BTBD7: variants seen among roughly 807,000 people sequenced by gnomAD.
The protein encoded by BTBD7 is BTB domain containing 7.
BTBD7 carries 38 observed loss-of-function variants against 99.9 expected under a neutral mutation model. The observed-to-expected ratio is 0.38, with a 90% CI of 0.29 to 0.50. The LOEUF (loss-of-function observed/expected upper bound fraction) is 0.50. Ranked by LOEUF, BTBD7 falls within the 20% of genes least tolerant of loss-of-function variation. The probability of loss-of-function intolerance (pLI) is 0.93; values close to 1 mark genes in which losing one functional copy is unlikely to be tolerated. For missense variants in BTBD7, 1,170 were observed against 1,394.6 expected (o/e 0.84, Z 2.57); for synonymous variants, 520 against 511.4 (o/e 1.02, Z -0.23).
chr14:93,271,442 C>A (rs148382575), intron 3 of BTBD7, among the ~76,000 whole-genome samples: 1 of 152,058 alleles, frequency 6.6e-6, no homozygotes, highest in African/African-American at 2.4e-5. Flanking sequence ...AAAACAAGAT[C>A]GTAAGTTTAG....
chr14:93,243,140 T>C, intron 10 of BTBD7, 52 bp from the exon 11 acceptor site: 1 of 1,461,118 alleles, frequency 6.8e-7, no homozygotes, highest in Non-Finnish European at 9.3e-7. Flanking sequence ...ACCCATCCTC[T>C]GTAGAAATGA....
intron 1 of BTBD7, among the ~76,000 whole-genome samples, chr14:93,325,354 C>T (rs1223771008): frequency 6.6e-6 from 1 of 151,946 alleles, no homozygotes; most frequent in African/African-American, 2.4e-5. Flanking sequence ...AGGTGATCTG[C>T]CGACCTCAGG....
chr14:93,276,379 C>A (rs926813518), intron 3 of BTBD7, among the ~76,000 whole-genome samples: 1 of 152,138 alleles, frequency 6.6e-6, no homozygotes, highest in Non-Finnish European at 1.5e-5. Context: ...TACACAGGAA[C>A]CTGTAACACT....
chr14:93,309,440 G>C (rs8013656), intron 1 of BTBD7, among the ~76,000 whole-genome samples: 17,293 of 147,946 alleles, frequency 0.12, 1,268 homozygotes, highest in African/African-American at 0.2. Flanking sequence ...AAATGGCAAA[G>C]CCAAGACCAA....
chr14:93,238,428 A>T lies in BTBD7; in HGVS notation c.*3845T>A, dbSNP rs2052184533. 6.6e-6 allele frequency: 1 copy of T among 152,642 alleles called. No individual in the cohort carries two copies. The highest frequency in any genetic ancestry group is 1.9e-4 in the East Asian group (1 of 5,200). 9.5% of individuals were successfully genotyped at this position (152,642 alleles called of 1,614,324 possible). ...AAGTCTTTTAGTAAGATTATCTGTAATGAGGTTTGAAAGTAAATCACTTAG... is the reference window on the plus strand; with the variant it reads ...AAGTCTTTTAGTAAGATTATCTGTATTGAGGTTTGAAAGTAAATCACTTAG... On this transcript the variant is annotated 3_prime_UTR_variant, in exon 11 of 11. Coordinates refer to ENST00000334746, the MANE Select transcript of BTBD7 (RefSeq NM_001002860.4).
At chr14:93,292,089 A>T (rs906815369) in intron 3 of BTBD7, among the ~76,000 whole-genome samples, 4 of 152,222 alleles carry the variant, frequency 2.6e-5, no homozygotes, top group African/African-American at 9.6e-5. Context: ...CAAGAGGCTG[A>T]GGCAGGAGAA....
At chr14:93,281,396 C>T (rs1385021919) in intron 3 of BTBD7, among the ~76,000 whole-genome samples, 1 of 152,202 alleles carries the variant, frequency 6.6e-6, no homozygotes, top group Non-Finnish European at 1.5e-5. Context: ...CTCAGCCTCC[C>T]AAACTGCTGG....
chr14:93,298,303 A>C (rs1305465837), intron 1 of BTBD7, among the ~76,000 whole-genome samples: 2 of 152,222 alleles, frequency 1.3e-5, no homozygotes, highest in Non-Finnish European at 2.9e-5. Flanking sequence ...CACGTTGAGC[A>C]TCCCTAATCA....
chr14:93,274,030 G>A (rs1247809093), intron 3 of BTBD7, among the ~76,000 whole-genome samples: 1 of 147,844 alleles, frequency 6.8e-6, no homozygotes, highest in African/African-American at 2.6e-5. Context: ...CAGAGACCTA[G>A]TGATTGTAGC....
chr14:93,298,207 T>A (rs182001594), intron 1 of BTBD7, among the ~76,000 whole-genome samples: 1 of 152,330 alleles, frequency 6.6e-6, no homozygotes, highest in Admixed American at 6.5e-5. Context: ...TTACTACTCT[T>A]ACTTTAACAC....
intron 1 of BTBD7, among the ~76,000 whole-genome samples, chr14:93,320,491 A>G (rs915459757): frequency 2.0e-5 from 3 of 152,256 alleles, no homozygotes; most frequent in African/African-American, 7.2e-5. Context: ...TAAGGAATAC[A>G]GAAAAGAAAG....
intron 1 of BTBD7, among the ~76,000 whole-genome samples, chr14:93,328,103 A>T (rs1220046335): frequency 1.3e-5 from 2 of 152,142 alleles, no homozygotes; most frequent in Non-Finnish European, 2.9e-5. Context: ...AAACTAAAAA[A>T]CACTGCTGAA....
chr14:93,253,755 A>G lies in BTBD7; in HGVS notation c.1644T>C (p.Asp548=), dbSNP rs780375082. The change falls in exon 7 of 11, where the codon GAT becomes GAC. Residue 548 remains aspartate (D), a synonymous_variant. Coordinates refer to ENST00000334746, the MANE Select transcript of BTBD7 (RefSeq NM_001002860.4). ...KRGLISTPPS[D]MLPTTEGGKS... is the part of the protein sequence containing the mutation. ...TCCCACCTTCTGTTGTAGGAAGCAT[A>G]TCTGATGGAGGAGTACTAATCAAGC... 2 of 1,611,904 alleles carry G rather than the reference A, an allele frequency of 1.2e-6. No homozygotes were observed. The highest frequency in any genetic ancestry group is 8.5e-7 in the Non-Finnish European group (1 of 1,178,458).
intron 2 of BTBD7, among the ~76,000 whole-genome samples, chr14:93,295,210 G>A (rs1364756396): frequency 6.6e-6 from 1 of 152,190 alleles, no homozygotes; most frequent in African/African-American, 2.4e-5. Flanking sequence ...CTGGGCTCAA[G>A]GGATTCTCCC....
chr14:93,305,444 T>C (rs1431259373), intron 1 of BTBD7, among the ~76,000 whole-genome samples: 1 of 152,212 alleles, frequency 6.6e-6, no homozygotes, highest in African/African-American at 2.4e-5. Flanking sequence ...TAAAAGACCC[T>C]CTCTGTAAGA....
chr14:93,274,503 G>T (rs183472974), intron 3 of BTBD7, among the ~76,000 whole-genome samples: 21 of 152,304 alleles, frequency 1.4e-4, no homozygotes, highest in Non-Finnish European at 2.6e-4. Flanking sequence ...ATGGAAGGTG[G>T]TAGGTAAATG....
chr14:93,279,393 C>T (rs150769904), intron 3 of BTBD7, among the ~76,000 whole-genome samples: 5 of 152,256 alleles, frequency 3.3e-5, no homozygotes, highest in African/African-American at 1.2e-4. Flanking sequence ...CTCCAGGTCT[C>T]ATTGTCTGGG....
At chr14:93,288,572 TG>T (rs777043169) in intron 3 of BTBD7, 1 of 846,366 alleles carries the variant, frequency 1.2e-6, no homozygotes, top group Non-Finnish European at 2.1e-6. Flanking sequence ...CTTTTTGCTC[TG>T]ATCTCTGTCT....
Position 93,294,274 on chromosome 14 carries a change from A to G in BTBD7, c.746T>C (p.Val249Ala), listed in dbSNP as rs1351481232. ...GLFDYMCYYD[V>A]VLSFSSDSEL... is the part of the protein sequence containing the mutation. ...AGAGTCTGAAGAAAAACTAAGGACG[A>G]CATCATAATAACACATGTAATCAAA... Residue 249 changes from valine to alanine, a missense_variant, in exon 3 of 11, where the codon GTC (valine) becomes GCC (alanine). Physicochemically the swap from Val to Ala is moderately conservative, Grantham distance 64. Transcript: ENST00000334746. The G allele has an allele frequency of 2.3e-5, 37 of 1,613,948 alleles. No homozygotes were observed. Among genetic ancestry groups the G allele is most frequent in the Non-Finnish European group, 3.1e-5 (37 of 1,180,014 alleles).
Sources: gnomAD v4.1 joint callset for allele counts (sites outside exome capture counted in the v4.1 genomes callset) on GRCh38, gnomAD v4.1.1 for gene constraint, MANE v1.5 for transcripts, NCBI Gene and HGNC (gene_info 2026-07-23, HGNC 2026-07-21) for gene names.